Variants in ZNF653 observed in about 807,000 individuals in gnomAD.
ZNF653 encodes the protein zinc finger protein 653, also known as 67 kDa zinc finger protein.
ZNF653 carries 37 observed loss-of-function variants against 59.9 expected under a neutral mutation model. That is an observed-to-expected ratio of 0.62 (90% confidence interval 0.48 to 0.81). The LOEUF is 0.81. Ranked by LOEUF, ZNF653 falls within the 40% of genes least tolerant of loss-of-function variation. ZNF653 has a pLI of 0.00. For synonymous variants in ZNF653, 435 were observed against 371.8 expected (o/e 1.17, Z -1.96); for missense variants, 808 against 881.1 (o/e 0.92, Z 1.05).
chr19:11,493,890 G>T (rs1971554400), intron 3 of ZNF653, among the ~76,000 whole-genome samples: 1 of 151,930 alleles, frequency 6.6e-6, no homozygotes, highest in South Asian at 2.1e-4. Flanking sequence ...GTGGTGGTGT[G>T]TGCCTGTGTT....
intron 3 of ZNF653, among the ~76,000 whole-genome samples, chr19:11,494,381 A>ACATAACATAACATAACATAAAACAT (rs1555737004): frequency 2.3e-5 from 3 of 132,912 alleles, no homozygotes; most frequent in East Asian, 2.4e-4. Context: ...ACATAACATA[A>ACATAACATAACATAACATAAAACAT]AACATAACAT....
intron 3 of ZNF653, among the ~76,000 whole-genome samples, chr19:11,491,323 C>G (rs1272177861): frequency 6.6e-6 from 1 of 152,166 alleles, no homozygotes; most frequent in Non-Finnish European, 1.5e-5. Flanking sequence ...ACTTTTCTCC[C>G]CACCAGTAAG....
intron 1 of ZNF653, among the ~76,000 whole-genome samples, chr19:11,502,342 T>C (rs981763801): frequency 3.3e-5 from 5 of 152,194 alleles, no homozygotes; most frequent in Non-Finnish European, 7.3e-5. Context: ...TCCACCTGCC[T>C]TGGCCTCCCA....
At position 11,487,813 on chromosome 19, in the gene ZNF653, T is replaced by C; in HGVS notation, c.650A>G (p.Lys217Arg). ...CGCTGCCGCTGCCGCTGCCGCAGCC[T>C]TGACCGGCTGGCCCTCAGGAGACTC... Reference protein sequence around the residue: ...SEESPEGQPVKAAAAAAAATP... With the variant: ...SEESPEGQPVRAAAAAAAATP... Residue 217 changes from lysine (K) to arginine (R), a missense_variant, in exon 4 of 9, where the codon AAG becomes AGG. By Grantham distance (26) the Lys-to-Arg change is conservative. Transcript: ENST00000293771. This position sits in a 1 kb window ranked among gnomAD's most constrained non-coding sequence, Gnocchi z 5.1. 1 of 1,611,702 alleles carries C rather than the reference T, an allele frequency of 6.2e-7. No homozygotes were observed. The highest frequency in any genetic ancestry group is 8.5e-7 in the Non-Finnish European group (1 of 1,179,308).
At chr19:11,484,233 G>A in intron 7 of ZNF653, 92 bp from the exon 8 acceptor site, 1 of 1,045,326 alleles carries the variant, frequency 9.6e-7, no homozygotes, top group Non-Finnish European at 1.4e-6. Context: ...GCATCAGGCT[G>A]TCTCCTTGGA....
Position 11,498,206 on chromosome 19 carries a change from G to A in ZNF653, c.343+90C>T. 3.2e-6 allele frequency: 5 copies of A among 1,573,286 alleles called. No individual in the cohort carries two copies. The Middle Eastern group carries it at 5.0e-4, about 157-fold the overall frequency. On this transcript the variant is annotated intron_variant, in intron 2 of 8. Transcript: ENST00000293771. ...CTGCTGGTTCCAACTGTGCTGCCTA[G>A]GGCAGCGACCTGGCCTCTCTGGGCC...
intron 1 of ZNF653, among the ~76,000 whole-genome samples, chr19:11,504,172 C>T (rs4520944): frequency 1.3e-5 from 2 of 152,020 alleles, no homozygotes; most frequent in East Asian, 1.9e-4. Flanking sequence ...GAGGCCGAGG[C>T]GGGTGGATCA....
At chr19:11,497,461 G>A (rs1176049661) in intron 2 of ZNF653, among the ~76,000 whole-genome samples, 3 of 152,310 alleles carry the variant, frequency 2.0e-5, no homozygotes, top group Non-Finnish European at 2.9e-5. Context: ...TGAGCCCCAG[G>A]TGCCTCCTCT....
chr19:11,483,940 G>A (rs1971436672), intron 8 of ZNF653, 81 bp from the exon 9 acceptor site: 1 of 1,518,078 alleles, frequency 6.6e-7, no homozygotes, highest in Non-Finnish European at 8.8e-7. Context: ...AGCGCAGGTG[G>A]AACCGGGCCC....
rs199756281 is a variant in ZNF653 at position 11,487,089 on chromosome 19, G to T, written c.1241C>A (p.Thr414Lys). The part of the protein sequence containing the change: ...EEPVAPELAT[T>K]VPESAEPEAE... ...CTCAGGCTCTGCGCTCTCAGGCACC[G>T]TTGTTGCCAGCTCCGGGGCTACTGG... The change falls in exon 5 of 9, where the codon ACG becomes AAG. Residue 414 changes from threonine to lysine, a missense_variant. Transcript: ENST00000293771. This position sits in a 1 kb window ranked among gnomAD's most constrained non-coding sequence, Gnocchi z 5.1. 1 of 1,613,788 alleles carries T rather than the reference G, an allele frequency of 6.2e-7. No homozygotes were observed. The highest frequency in any genetic ancestry group is 8.5e-7 in the Non-Finnish European group (1 of 1,180,016).
At chr19:11,505,211 T>C (rs1971698353) in intron 1 of ZNF653, 2 of 379,028 alleles carry the variant, frequency 5.3e-6, no homozygotes, top group Non-Finnish European at 9.5e-6. Context: ...AGTCCCAGGA[T>C]TGGGCCGCCA....
intron 3 of ZNF653, among the ~76,000 whole-genome samples, chr19:11,494,518 A>G (rs1049156487): frequency 1.3e-5 from 2 of 151,602 alleles, no homozygotes; most frequent in African/African-American, 4.9e-5. Flanking sequence ...GGTGAAACCC[A>G]GTGTCTACTA....
intron 1 of ZNF653, among the ~76,000 whole-genome samples, chr19:11,501,652 G>A (rs909428103): frequency 2.0e-5 from 3 of 152,160 alleles, no homozygotes; most frequent in Non-Finnish European, 2.9e-5. Context: ...GGACATGGCA[G>A]ACACTTCCTT....
At chr19:11,484,008 A>G in intron 8 of ZNF653, 34 bp downstream of exon 8, 1 of 1,546,416 alleles carries the variant, frequency 6.5e-7, no homozygotes, top group Non-Finnish European at 8.7e-7. Flanking sequence ...CTCCCACCCA[A>G]TCCTCTAGCG....
At chr19:11,484,639 G>A (rs1971446067) in intron 7 of ZNF653, among the ~76,000 whole-genome samples, 1 of 151,962 alleles carries the variant, frequency 6.6e-6, no homozygotes, top group Non-Finnish European at 1.5e-5. Context: ...TCGAACTCCT[G>A]ACCTCAGGTG....
chr19:11,496,483 C>T (rs570997855), intron 2 of ZNF653, among the ~76,000 whole-genome samples: 38 of 152,178 alleles, frequency 2.5e-4, no homozygotes, highest in African/African-American at 9.2e-4. Flanking sequence ...GTCCTCAGGC[C>T]CAGGACTCCC....
Position 11,485,768 on chromosome 19 carries a change from G to A in ZNF653, c.1458C>T (p.Asn486=). The part of the protein sequence containing the change: ...QVYVALSSFQ[N]HVNLVHRKGK... ...CTTTCCGATGCACAAGATTGACGTGGTTCTGGAGACGAGACAGGCAGAAGT... is the reference window on the plus strand; with the variant it reads ...CTTTCCGATGCACAAGATTGACGTGATTCTGGAGACGAGACAGGCAGAAGT... Residue 486 remains asparagine, a splice_region_variant and synonymous_variant, in exon 7 of 9, where the codon AAC becomes AAT. Coordinates refer to ENST00000293771, the MANE Select transcript of ZNF653 (RefSeq NM_138783.4). 1 of 1,613,198 alleles carries A rather than the reference G, an allele frequency of 6.2e-7. No individual in the cohort carries two copies. The highest frequency in any genetic ancestry group is 8.5e-7 in the Non-Finnish European group (1 of 1,179,340).
At position 11,505,320 on chromosome 19, in the gene ZNF653, G is replaced by C. The variant is rs769264156; in HGVS notation, c.299+168C>G. 5 of 655,082 alleles carry C rather than the reference G, an allele frequency of 7.6e-6. No homozygotes were observed. The Admixed American group carries it at 1.7e-4, about 23-fold the overall frequency. 40.6% of individuals were successfully genotyped at this position (655,082 alleles called of 1,614,324 possible). On this transcript the variant is annotated intron_variant, in intron 1 of 8. Coordinates refer to ENST00000293771, the MANE Select transcript of ZNF653 (RefSeq NM_138783.4). ...GGAACGATGGGAGGCGGGGCCACGA[G>C]CCAGGCGCGTCCCGGCCAGGCAGTA...
chr19:11,498,416 C>G, intron 1 of ZNF653, 77 bp from the exon 2 acceptor site: 1 of 1,578,936 alleles, frequency 6.3e-7, no homozygotes, highest in Non-Finnish European at 8.7e-7. Flanking sequence ...ACAACAGTGG[C>G]TAGAGCCACT....
Sources: gnomAD v4.1 joint callset for allele counts (sites outside exome capture counted in the v4.1 genomes callset) on GRCh38, gnomAD v4.1.1 for gene constraint, Gnocchi (gnomAD v3.1) non-coding constraint, MANE v1.5 for transcripts, NCBI Gene and HGNC (gene_info 2026-07-23, HGNC 2026-07-21) for gene names.